Variants in ANKH observed in about 807,000 individuals in gnomAD.
ANKH encodes the protein mineralization regulator ANKH.
Under a neutral mutation model 49.0 loss-of-function variants are expected in ANKH, and 15 were observed. The ratio of observed to expected loss-of-function variants is 0.31; its 90% CI spans 0.20 to 0.47. The LOEUF is 0.47. Ranked by LOEUF, ANKH falls within the 20% of genes least tolerant of loss-of-function variation. The pLI, the probability that ANKH is intolerant of heterozygous loss-of-function variation, is 1.00. For synonymous variants in ANKH, 273 were observed against 260.0 expected (o/e 1.05, Z -0.48); for missense variants, 429 against 652.0 (o/e 0.66, Z 3.72).
chr5:14,721,052 C>T (rs1336786988), intron 8 of ANKH, among the ~76,000 whole-genome samples: 1 of 152,162 alleles, frequency 6.6e-6, no homozygotes, highest in African/African-American at 2.4e-5. Flanking sequence ...GGGGGGTCAG[C>T]TTGAGGACAT....
intron 6 of ANKH, 149 bp from the exon 7 acceptor site, chr5:14,746,111 C>T (rs1035576050): frequency 2.3e-5 from 16 of 708,356 alleles, no homozygotes; most frequent in East Asian, 8.2e-5. Context: ...AAGCACAGGA[C>T]GGCCCAGGAC....
intron 1 of ANKH, among the ~76,000 whole-genome samples, chr5:14,771,054 C>T (rs1369438547): frequency 6.6e-6 from 1 of 152,198 alleles, no homozygotes; most frequent in East Asian, 1.9e-4. Context: ...ATTTTCCCTA[C>T]AAATATATGG....
intron 1 of ANKH, among the ~76,000 whole-genome samples, chr5:14,784,668 CAG>C (rs757490162): frequency 5.3e-5 from 8 of 152,132 alleles, no homozygotes; most frequent in Non-Finnish European, 1.0e-4. Flanking sequence ...TATCTAGTGA[CAG>C]AGTGTTGGCC....
At chr5:14,782,269 T>A (rs1380388181) in intron 1 of ANKH, among the ~76,000 whole-genome samples, 1 of 152,130 alleles carries the variant, frequency 6.6e-6, no homozygotes, top group Non-Finnish European at 1.5e-5. Flanking sequence ...GTGCTCACCC[T>A]GTGGCAGACA....
At position 14,725,429 on chromosome 5, in the gene ANKH, A is replaced by G. The variant is rs1279960623; in HGVS notation, c.1012-8594T>C. 6.6e-6 allele frequency among the ~76,000 whole-genome samples: 1 copy of G among 152,222 alleles called. No individual in the cohort carries two copies. Among genetic ancestry groups the G allele is most frequent in the Non-Finnish European group, 1.5e-5 (1 of 68,044 alleles). On this transcript the variant is annotated intron_variant, in intron 8 of 11. Transcript: ENST00000284268. The surrounding 1 kb of genome is among the most constrained non-coding windows in gnomAD (Gnocchi z 4.0). ...AACAACGCCAGCTGAACTGGACATC[A>G]TACCTGGTGACCAAGTTGATTCACA...
Position 14,712,868 on chromosome 5 carries a change from T to A in ANKH, c.1365+6A>T, listed in dbSNP as rs2126401628. The A allele has an allele frequency of 1.9e-6, 3 of 1,604,216 alleles. No individual in the cohort carries two copies. Among genetic ancestry groups the A allele is most frequent in the Non-Finnish European group, 2.6e-6 (3 of 1,175,928 alleles). ...CGGGAGGAGGCTCCCGGCGCGGCTG[T>A]CTCACCTGCTTCCGGTAGACATAGC... On this transcript the variant is annotated splice_donor_region_variant and intron_variant, in intron 11 of 11. Transcript: ENST00000284268.
At position 14,711,277 on chromosome 5, in the gene ANKH, C is replaced by T. The variant is rs752525207; in HGVS notation, c.1399G>A (p.Gly467Arg). The T allele has an allele frequency of 1.2e-6, 2 of 1,614,138 alleles. No individual in the cohort carries two copies. The highest frequency in any genetic ancestry group is 8.5e-7 in the Non-Finnish European group (1 of 1,180,020). Residue 467 changes from glycine to arginine, a missense_variant, in exon 12 of 12, where the codon GGG (glycine) becomes AGG (arginine). By Grantham distance (125) the Gly-to-Arg change is moderately radical. Transcript: ENST00000284268. ...ATGTCTGTCATGGCAGAGTCTTCCC[C>T]CTCCGTGGCCGACTCATTCTCCATC... is the stretch of plus-strand genomic sequence containing the variant. Reference protein sequence around the residue: ...KKMENESATEGEDSAMTDMPP... With the variant: ...KKMENESATEREDSAMTDMPP...
intron 1 of ANKH, among the ~76,000 whole-genome samples, chr5:14,847,494 G>A (rs1272855808): frequency 1.3e-5 from 2 of 152,154 alleles, no homozygotes; most frequent in South Asian, 2.1e-4. Flanking sequence ...ACAAAGTGTC[G>A]CCGTCGAGAA....
intron 8 of ANKH, 45 bp downstream of exon 8, chr5:14,741,782 A>C: frequency 1.3e-6 from 2 of 1,525,102 alleles, no homozygotes; most frequent in Non-Finnish European, 1.8e-6. Context: ...GCCCCTTTAC[A>C]AAAACCAAAC....
At chr5:14,796,945 A>G (rs76683260) in intron 1 of ANKH, among the ~76,000 whole-genome samples, 3,471 of 152,296 alleles carry the variant, frequency 0.023, 70 homozygotes, top group South Asian at 0.085. Flanking sequence ...AGCTTTGTTG[A>G]ATCAAGCCCC....
chr5:14,782,441 G>T (rs981263062), intron 1 of ANKH, among the ~76,000 whole-genome samples: 1 of 152,148 alleles, frequency 6.6e-6, no homozygotes, highest in African/African-American at 2.4e-5. Flanking sequence ...CACAGCTAGC[G>T]ATCCTAACCC....
chr5:14,849,747 G>A (rs977568953), intron 1 of ANKH, among the ~76,000 whole-genome samples: 26 of 152,138 alleles, frequency 1.7e-4, no homozygotes, highest in African/African-American at 4.3e-4. Context: ...TGTGCCGGAC[G>A]ATCCCTCTGC....
chr5:14,847,625 C>A (rs1041353178), intron 1 of ANKH, among the ~76,000 whole-genome samples: 2 of 152,192 alleles, frequency 1.3e-5, no homozygotes, highest in Non-Finnish European at 2.9e-5. Flanking sequence ...GAATGACAAT[C>A]TACTGCTCAG....
In ANKH at chr5:14,774,706, G is replaced by T. The variant is rs556496786; in HGVS notation, c.97-5515C>A. ...CATTGCATGTTCACTTCCTAACATA[G>T]TATCACATCTTTACTTGTTATTTAT... On this transcript the variant is annotated intron_variant, in intron 1 of 11. Coordinates refer to ENST00000284268, the MANE Select transcript of ANKH (RefSeq NM_054027.6). 2.0e-5 allele frequency among the ~76,000 whole-genome samples: 3 copies of T among 152,206 alleles called. No individual in the cohort carries two copies. In the South Asian group the frequency reaches 6.2e-4, roughly 32 times the overall value.
chr5:14,757,425 TATA>T (rs1738929532), intron 3 of ANKH, among the ~76,000 whole-genome samples: 1 of 133,234 alleles, frequency 7.5e-6, no homozygotes, highest in African/African-American at 3.1e-5. Flanking sequence ...TATATATATA[TATA>T]TATTTTTTTT....
intron 1 of ANKH, among the ~76,000 whole-genome samples, chr5:14,866,926 G>T (rs1267993297): frequency 6.6e-6 from 1 of 152,108 alleles, no homozygotes; most frequent in Non-Finnish European, 1.5e-5. Context: ...GAAGGCCAAG[G>T]TAGGTGGATC....
At chr5:14,786,815 C>T (rs766922770) in intron 1 of ANKH, among the ~76,000 whole-genome samples, 6 of 152,166 alleles carry the variant, frequency 3.9e-5, no homozygotes, top group Non-Finnish European at 8.8e-5. Context: ...AATCCCCCTT[C>T]AGAAATCCAT....
At position 14,713,458 on chromosome 5, in the gene ANKH, T is replaced by TC. The variant is rs1737317375; in HGVS notation, c.1265+85dup. On this transcript the variant is annotated intron_variant, in intron 10 of 11. Transcript: ENST00000284268. The surrounding 1 kb of genome is among the most constrained non-coding windows in gnomAD (Gnocchi z 4.4). ...CCGATTCTAGACGTGCCTGGGGATTTCCCCTGAAAATGTAGCTGTTAAACC... is the reference window on the plus strand; with the variant it reads ...CCGATTCTAGACGTGCCTGGGGATTTCCCCCTGAAAATGTAGCTGTTAAACC... The TC allele has an allele frequency of 2.6e-6, 4 of 1,556,796 alleles. No homozygotes were observed. The highest frequency in any genetic ancestry group is 3.5e-6 in the Non-Finnish European group (4 of 1,139,694).
intron 8 of ANKH, among the ~76,000 whole-genome samples, chr5:14,735,952 C>T (rs13157154): frequency 6.6e-6 from 1 of 151,338 alleles, no homozygotes; most frequent in African/African-American, 2.4e-5. Context: ...CTCCCTTTAA[C>T]CCCCCACTGA....
Sources: gnomAD v4.1 joint callset for allele counts (sites outside exome capture counted in the v4.1 genomes callset) on GRCh38, gnomAD v4.1.1 for gene constraint, Gnocchi (gnomAD v3.1) non-coding constraint, MANE v1.5 for transcripts, NCBI Gene and HGNC (gene_info 2026-07-23, HGNC 2026-07-21) for gene names.